Variants in PLXDC2 observed in about 807,000 individuals in gnomAD.
PLXDC2 encodes the protein plexin domain containing 2.
PLXDC2 carries 40 observed loss-of-function variants against 68.9 expected under a neutral mutation model. The observed-to-expected ratio is 0.58, with a 90% CI of 0.45 to 0.76. The LOEUF is 0.76. PLXDC2 is among the 30% of genes least tolerant of loss of function. The pLI, the probability that PLXDC2 is intolerant of heterozygous loss-of-function variation, is 0.00. For missense variants in PLXDC2, 644 were observed against 661.9 expected, an observed-to-expected ratio of 0.97 and a Z score of 0.30; for synonymous variants, 243 against 234.2, an observed-to-expected ratio of 1.04 and a Z score of -0.34.
chr10:19,870,527 G>T (rs1318815897), intron 1 of PLXDC2, among the ~76,000 whole-genome samples: 1 of 152,044 alleles, frequency 6.6e-6, no homozygotes, highest in African/African-American at 2.4e-5. Flanking sequence ...CCGGGTTCAA[G>T]TGATTTTCCT....
At chr10:19,943,267 C>T (rs1024649825) in intron 1 of PLXDC2, among the ~76,000 whole-genome samples, 3 of 120,450 alleles carry the variant, frequency 2.5e-5, no homozygotes, top group African/African-American at 1.1e-4. Flanking sequence ...TATAAGTGTT[C>T]TGTAACATTA....
At chr10:20,047,499 T>C (rs1394054964) in intron 3 of PLXDC2, among the ~76,000 whole-genome samples, 2 of 152,114 alleles carry the variant, frequency 1.3e-5, no homozygotes, top group African/African-American at 2.4e-5. Context: ...AGACGTTTAA[T>C]ATAAAGAAAA....
At chr10:19,927,020 T>G (rs1277031975) in intron 1 of PLXDC2, among the ~76,000 whole-genome samples, 1 of 152,190 alleles carries the variant, frequency 6.6e-6, no homozygotes, top group East Asian at 1.9e-4. Context: ...CCTCCCTTCT[T>G]GCTGACCTTA....
chr10:19,931,221 T>A (rs1348985379), intron 1 of PLXDC2, among the ~76,000 whole-genome samples: 1 of 152,242 alleles, frequency 6.6e-6, no homozygotes, highest in Non-Finnish European at 1.5e-5. Flanking sequence ...GAACTTGGAC[T>A]CTTCAGAAGT....
intron 2 of PLXDC2, among the ~76,000 whole-genome samples, chr10:20,045,819 A>T (rs558791622): frequency 1.0e-3 from 155 of 152,266 alleles, no homozygotes; most frequent in African/African-American, 3.6e-3. Flanking sequence ...GTTTTAAAAT[A>T]TTTTTTGTCT....
chr10:19,950,607 A>G (rs536223425), intron 1 of PLXDC2, among the ~76,000 whole-genome samples: 2 of 152,366 alleles, frequency 1.3e-5, no homozygotes, highest in South Asian at 2.1e-4. Context: ...CTCTATTCCT[A>G]TGAAACTACC....
In PLXDC2 at chr10:20,007,801, G is replaced by T. The variant is rs191393350; in HGVS notation, c.324+5815G>T. Among the ~76,000 whole-genome samples, 19 of 152,326 alleles carry T rather than the reference G, an allele frequency of 1.2e-4. No individual in the cohort carries two copies. In the East Asian group the frequency reaches 3.7e-3, roughly 29 times the overall value. ...CATAGGCCACACTTTGGGTTGCAAG[G>T]ATTTAGCTATTAGTTTTGAGAGCAG... On this transcript the variant is annotated intron_variant, in intron 2 of 13. Transcript: ENST00000377252.
Position 20,219,176 on chromosome 10 carries a change from GGCAATACGGGCTTC to G in PLXDC2, c.1312+75_1312+88del, listed in dbSNP as rs1266177602. On this transcript the variant is annotated intron_variant, in intron 12 of 13. Transcript: ENST00000377252. The stretch of plus-strand genomic sequence containing the variant: ...ATTTCATTTATTTTACTATGAGAAA[GGCAATACGGGCTTC>G]TAGATAAAAGGTGAGGTTGTGTTTT... 102 of 1,433,228 alleles carry G rather than the reference GGCAATACGGGCTTC, an allele frequency of 7.1e-5. No individual in the cohort carries two copies. In the East Asian group the frequency reaches 2.4e-3, roughly 34 times the overall value. The allele number at this position is 1,433,228 out of a possible 1,614,324, so 88.8% of individuals were successfully genotyped here.
chr10:20,021,380 G>A (rs1220895071), intron 2 of PLXDC2, among the ~76,000 whole-genome samples: 1 of 151,920 alleles, frequency 6.6e-6, no homozygotes, highest in African/African-American at 2.4e-5. Context: ...TAGGTTTTCA[G>A]CCCCGCATGC....
At chr10:19,957,101 A>T (rs940622820) in intron 1 of PLXDC2, among the ~76,000 whole-genome samples, 1 of 152,214 alleles carries the variant, frequency 6.6e-6, no homozygotes, top group Admixed American at 6.5e-5. Flanking sequence ...ATCATAAAAA[A>T]GATTTATATG....
intron 4 of PLXDC2, among the ~76,000 whole-genome samples, chr10:20,083,251 G>A (rs1836606827): frequency 2.0e-5 from 3 of 151,908 alleles, no homozygotes; most frequent in Admixed American, 2.0e-4. Context: ...CAAGGCGGGT[G>A]GATCACCAGG....
At chr10:20,036,454 GTTGT>G (rs889373651) in intron 2 of PLXDC2, among the ~76,000 whole-genome samples, 1 of 152,128 alleles carries the variant, frequency 6.6e-6, no homozygotes, top group African/African-American at 2.4e-5. Context: ...ATAAATTTCT[GTTGT>G]TTAAGTCATC....
chr10:20,166,642 T>A (rs1401882655), intron 7 of PLXDC2, among the ~76,000 whole-genome samples: 5 of 152,078 alleles, frequency 3.3e-5, no homozygotes, highest in Admixed American at 3.3e-4. Flanking sequence ...CTGAAAAAAA[T>A]TATTTGCGGC....
chr10:20,212,619 T>G (rs1311192297), intron 10 of PLXDC2, among the ~76,000 whole-genome samples: 1 of 152,184 alleles, frequency 6.6e-6, no homozygotes, highest in Non-Finnish European at 1.5e-5. Context: ...AAATGCTGTT[T>G]TAAAAACTAT....
intron 1 of PLXDC2, among the ~76,000 whole-genome samples, chr10:19,831,132 C>T (rs533829041): frequency 6.6e-6 from 1 of 152,026 alleles, no homozygotes; most frequent in Admixed American, 6.6e-5. Context: ...TATCAATGAC[C>T]ATTAAAATGA....
intron 3 of PLXDC2, among the ~76,000 whole-genome samples, chr10:20,065,508 G>A (rs923084759): frequency 6.6e-6 from 1 of 152,094 alleles, no homozygotes; most frequent in South Asian, 2.1e-4. Flanking sequence ...AGGAGGGGAT[G>A]GTTTTGGGAT....
intron 1 of PLXDC2, among the ~76,000 whole-genome samples, chr10:19,940,085 T>G (rs1833792630): frequency 6.6e-6 from 1 of 151,780 alleles, no homozygotes; most frequent in African/African-American, 2.4e-5. Context: ...AATATAGTCA[T>G]GCGAAAGAAT....
intron 4 of PLXDC2, among the ~76,000 whole-genome samples, chr10:20,074,155 C>T (rs1202791657): frequency 6.6e-6 from 1 of 152,078 alleles, no homozygotes; most frequent in African/African-American, 2.4e-5. Context: ...AATTTAAAAG[C>T]TAATAATGAA....
intron 6 of PLXDC2, among the ~76,000 whole-genome samples, chr10:20,148,373 G>A (rs536070893): frequency 2.8e-4 from 42 of 151,946 alleles, no homozygotes; most frequent in Non-Finnish European, 3.7e-4. Flanking sequence ...TACTGAGAGA[G>A]TTCTAGGATG....
Sources: gnomAD v4.1 joint callset for allele counts (sites outside exome capture counted in the v4.1 genomes callset) on GRCh38, gnomAD v4.1.1 for gene constraint, MANE v1.5 for transcripts, NCBI Gene and HGNC (gene_info 2026-07-23, HGNC 2026-07-21) for gene names.